The following DISP1 variants were observed in gnomAD, a reference collection of about 807,000 sequenced individuals.
DISP1 encodes dispatched RND transporter family member 1.
DISP1 carries 30 observed loss-of-function variants against 37.3 expected under a neutral mutation model. That is an observed-to-expected ratio of 0.80 (90% CI 0.60 to 1.09). The LOEUF (loss-of-function observed/expected upper bound fraction) is 1.09, where lower values mean the gene tolerates loss of function less well. DISP1 is among the 50% of genes least tolerant of loss of function. The pLI, the probability that DISP1 is intolerant of heterozygous loss-of-function variation, is 0.00. For missense variants in DISP1, 1,598 were observed against 1,879.5 expected (o/e 0.85, Z 2.77); for synonymous variants, 634 against 690.2 (o/e 0.92, Z 1.28).
chr1:222,829,299 T>C (rs1665165288), intron 1 of DISP1, among the ~76,000 whole-genome samples: 1 of 152,134 alleles, frequency 6.6e-6, no homozygotes, highest in Admixed American at 6.6e-5. Flanking sequence ...TCTAAGAAAA[T>C]TTATAAAATT....
chr1:222,994,837 G>C, intron 7 of DISP1, 48 bp from the exon 8 acceptor site: 1 of 1,356,756 alleles, frequency 7.4e-7, no homozygotes. Flanking sequence ...TGAAATAAAT[G>C]AATAATTTAT....
At chr1:222,984,374 A>C (rs917267229) in intron 4 of DISP1, among the ~76,000 whole-genome samples, 1 of 141,028 alleles carries the variant, frequency 7.1e-6, no homozygotes, top group Non-Finnish European at 1.5e-5. Context: ...ACTACACTCA[A>C]GCCTGGGTGG....
At chr1:222,862,675 A>G (rs1402636810) in intron 1 of DISP1, among the ~76,000 whole-genome samples, 3 of 151,914 alleles carry the variant, frequency 2.0e-5, no homozygotes, top group Non-Finnish European at 4.4e-5. Context: ...TGAGACTACA[A>G]GTATGTGCCA....
intron 3 of DISP1, among the ~76,000 whole-genome samples, chr1:222,961,551 C>T (rs1292215721): frequency 6.6e-6 from 1 of 152,144 alleles, no homozygotes; most frequent in East Asian, 1.9e-4. Flanking sequence ...CCTTTGAAAA[C>T]CAGCACAAGA....
chr1:222,828,266 T>A (rs1664903148), intron 1 of DISP1, among the ~76,000 whole-genome samples: 1 of 152,210 alleles, frequency 6.6e-6, no homozygotes, highest in Admixed American at 6.5e-5. Flanking sequence ...TTTTGTTTGT[T>A]TGTTTTTTAT....
intron 8 of DISP1, among the ~76,000 whole-genome samples, chr1:222,998,966 G>T (rs554692668): frequency 6.6e-6 from 1 of 152,238 alleles, no homozygotes; most frequent in African/African-American, 2.4e-5. Flanking sequence ...GGTTACGCGT[G>T]GAGGAGGGTC....
intron 1 of DISP1, among the ~76,000 whole-genome samples, chr1:222,837,722 G>C (rs1667329596): frequency 6.6e-6 from 1 of 151,992 alleles, no homozygotes; most frequent in Non-Finnish European, 1.5e-5. Context: ...ATTCGTAATA[G>C]TAACCAAAAA....
At chr1:222,907,470 G>A (rs1671963727) in intron 1 of DISP1, among the ~76,000 whole-genome samples, 1 of 152,146 alleles carries the variant, frequency 6.6e-6, no homozygotes, top group South Asian at 2.1e-4. Flanking sequence ...GTGAGGAGTG[G>A]GGAGGAGGGA....
chr1:222,841,949 T>A (rs1027062005), intron 1 of DISP1, among the ~76,000 whole-genome samples: 6 of 152,162 alleles, frequency 3.9e-5, no homozygotes, highest in African/African-American at 1.4e-4. Context: ...ATTGGAATTT[T>A]AGACATCTTT....
intron 2 of DISP1, among the ~76,000 whole-genome samples, chr1:222,940,596 G>A (rs1454020001): frequency 1.3e-5 from 2 of 152,208 alleles, no homozygotes; most frequent in African/African-American, 4.8e-5. Flanking sequence ...ATTAGAATCA[G>A]TAGAATTGAT....
chr1:222,880,163 GTTAAA>G (rs950149232), intron 1 of DISP1, among the ~76,000 whole-genome samples: 4 of 152,084 alleles, frequency 2.6e-5, no homozygotes, highest in African/African-American at 9.7e-5. Flanking sequence ...ACTTATGGAG[GTTAAA>G]TTAACTTGAG....
chr1:222,936,894 T>TG (rs1558340385), intron 2 of DISP1, among the ~76,000 whole-genome samples: 4 of 78,706 alleles, frequency 5.1e-5, no homozygotes, highest in African/African-American at 2.0e-4. Context: ...ATATAATATA[T>TG]TATTTATATA....
At chr1:222,825,733 C>T (rs1206873238) in intron 1 of DISP1, among the ~76,000 whole-genome samples, 1 of 152,108 alleles carries the variant, frequency 6.6e-6, no homozygotes, top group African/African-American at 2.4e-5. Context: ...GAACTCCTGG[C>T]CTCAAGCAAT....
At position 222,890,756 on chromosome 1, in the gene DISP1, A is replaced by G. The variant is rs560329259; in HGVS notation, c.-158-37674A>G. 1.2e-4 allele frequency among the ~76,000 whole-genome samples: 18 copies of G among 152,206 alleles called. No individual in the cohort carries two copies. In the South Asian group the frequency reaches 3.7e-3, roughly 32 times the overall value. ...GCTGGGTTGGTTCCTTCTGAGGGCTATGAGGGAGAATCTGTTCCATGCCTC... is the reference window on the plus strand; with the variant it reads ...GCTGGGTTGGTTCCTTCTGAGGGCTGTGAGGGAGAATCTGTTCCATGCCTC... On this transcript the variant is annotated intron_variant, in intron 1 of 8. Transcript: ENST00000675850.
chr1:222,898,957 G>A (rs578211557), intron 1 of DISP1, among the ~76,000 whole-genome samples: 32 of 151,994 alleles, frequency 2.1e-4, no homozygotes, highest in Non-Finnish European at 4.1e-4. Flanking sequence ...TTAACCTTGT[G>A]ACATTTAATC....
intron 8 of DISP1, among the ~76,000 whole-genome samples, chr1:222,997,050 CTA>C (rs72145593): frequency 0.1 from 15,235 of 148,342 alleles, 773 homozygotes; most frequent in East Asian, 0.21. Flanking sequence ...CTCTCTCTCT[CTA>C]TATATATATA....
In DISP1 at chr1:222,921,322, GA is replaced by G. The variant is rs1672797314; in HGVS notation, c.-158-7101del. Among the ~76,000 whole-genome samples, 5 of 151,740 alleles carry G rather than the reference GA, an allele frequency of 3.3e-5. No homozygotes were observed. The South Asian group carries it at 1.0e-3, about 32-fold the overall frequency. On this transcript the variant is annotated intron_variant, in intron 1 of 8. Coordinates refer to ENST00000675850, the MANE Select transcript of DISP1 (RefSeq NM_001377229.1). ...AGACTCCATCTCAAAAAACAAAAAA[GA>G]AAAAAAGTAATTGGCAATTAAGCTA...
chr1:222,995,769 T>G (rs578057660), intron 8 of DISP1, among the ~76,000 whole-genome samples: 1 of 152,316 alleles, frequency 6.6e-6, no homozygotes, highest in Admixed American at 6.5e-5. Flanking sequence ...CTTTGTGTTC[T>G]CAGCATAACT....
rs1161033639 is a variant in DISP1, at chr1:222,875,654, T to TAAAAAA, written c.-158-52758_-158-52753dup. ...CAACATGGTGAAACCCTGTCTCTAC[T>TAAAAAA]AAAAAAAAAAAAAAAAAAAAAAATT... is the stretch of plus-strand genomic sequence containing the variant. On this transcript the variant is annotated intron_variant, in intron 1 of 8. Transcript: ENST00000675850. Among the ~76,000 whole-genome samples the TAAAAAA allele has an allele frequency of 1.5e-3, 141 of 93,674 alleles. 1 individual carries two copies. The highest frequency in any genetic ancestry group is 6.1e-3 in the African/African-American group (136 of 22,284). 61.5% of individuals were successfully genotyped at this position (93,674 alleles called of 152,430 possible). A position where few individuals can be genotyped will look rare whatever the true frequency, so the allele number is the denominator to read the frequency against.
Sources: allele counts gnomAD v4.1 joint callset (sites outside exome capture counted in the v4.1 genomes callset), GRCh38; gene constraint gnomAD v4.1.1; transcripts MANE v1.5; gene names NCBI Gene and HGNC (gene_info 2026-07-23, HGNC 2026-07-21).